Variants in CREB5 observed in about 807,000 individuals in gnomAD.
The protein encoded by CREB5 is cAMP responsive element binding protein 5.
A neutral mutation model predicts 57.1 loss-of-function variants in CREB5; 19 were observed. The observed-to-expected ratio is 0.33, with a 90% CI of 0.23 to 0.49. The LOEUF (loss-of-function observed/expected upper bound fraction) is 0.49. Ranked by LOEUF, CREB5 falls within the 20% of genes least tolerant of loss-of-function variation. The probability of loss-of-function intolerance (pLI) is 0.99; values close to 1 mark genes in which losing one functional copy is unlikely to be tolerated. For missense variants in CREB5, 579 were observed against 671.6 expected (o/e 0.86, Z 1.52); for synonymous variants, 238 against 238.3 (o/e 1.00, Z 0.01).
chr7:28,613,294 TG>T (rs779045193), intron 5 of CREB5, among the ~76,000 whole-genome samples: 9 of 152,234 alleles, frequency 5.9e-5, no homozygotes, highest in Non-Finnish European at 1.3e-4. Flanking sequence ...TGCAATATAT[TG>T]GGTCTGAAAC....
At position 28,734,222 on chromosome 7, in the gene CREB5, AAAAAAAAACACAAAC is replaced by A. The variant is rs1803840044; in HGVS notation, c.702+9901_702+9915del. Among the ~76,000 whole-genome samples the A allele has an allele frequency of 2.6e-5, 4 of 151,496 alleles. No homozygotes were observed. In the South Asian group the frequency reaches 6.2e-4, roughly 24 times the overall value. On this transcript the variant is annotated intron_variant, in intron 7 of 10. Transcript: ENST00000357727. ...TCAGTAGTTCAAAAAAAAAAAAAAA[AAAAAAAAACACAAAC>A]AAAAAAAACAGGTTAATGGATTCCA...
intron 5 of CREB5, among the ~76,000 whole-genome samples, chr7:28,625,034 A>G (rs1797950632): frequency 1.3e-5 from 2 of 150,060 alleles, no homozygotes; most frequent in South Asian, 2.1e-4. Flanking sequence ...ATTTAAAAAT[A>G]CAGAGTAAGA....
rs947566634 is a variant in CREB5, at chr7:28,495,061, T to C, written c.169+62T>C. On this transcript the variant is annotated intron_variant, in intron 3 of 10. Coordinates refer to ENST00000357727, the MANE Select transcript of CREB5 (RefSeq NM_182898.4). ...AGATCTGTTCCATGCGAGATACTTGTTCTTCTTTTGGTAGGCGAGTCCCAC... is the reference window on the plus strand; with the variant it reads ...AGATCTGTTCCATGCGAGATACTTGCTCTTCTTTTGGTAGGCGAGTCCCAC... 5 of 1,202,918 alleles carry C rather than the reference T, an allele frequency of 4.2e-6. No homozygotes were observed. In the African/African-American group the frequency reaches 6.3e-5, roughly 15 times the overall value. The allele number at this position is 1,202,918 out of a possible 1,614,324, so 74.5% of individuals were successfully genotyped here.
intron 1 of CREB5, among the ~76,000 whole-genome samples, chr7:28,303,708 C>G (rs1785139931): frequency 6.6e-6 from 1 of 152,126 alleles, no homozygotes; most frequent in South Asian, 2.1e-4. Flanking sequence ...CAATTTCTTA[C>G]TTTCTAAAAC....
chr7:28,442,278 T>G (rs1010243240), intron 1 of CREB5, among the ~76,000 whole-genome samples: 1 of 152,146 alleles, frequency 6.6e-6, no homozygotes, highest in African/African-American at 2.4e-5. Flanking sequence ...GATTTCATTC[T>G]TTTTTATGAC....
intron 4 of CREB5, among the ~76,000 whole-genome samples, chr7:28,553,003 T>C (rs972309065): frequency 6.6e-6 from 1 of 152,164 alleles, no homozygotes; most frequent in Non-Finnish European, 1.5e-5. Flanking sequence ...GTGGGCGCAA[T>C]TCAGTTTTCT....
chr7:28,652,937 C>T (rs918283156), intron 5 of CREB5, among the ~76,000 whole-genome samples: 1 of 152,150 alleles, frequency 6.6e-6, no homozygotes, highest in Non-Finnish European at 1.5e-5. Flanking sequence ...ATGGATAGTC[C>T]AAGTTCATTC....
At chr7:28,445,638 G>A (rs1033591474) in intron 1 of CREB5, among the ~76,000 whole-genome samples, 68 of 151,676 alleles carry the variant, frequency 4.5e-4, no homozygotes, top group East Asian at 2.9e-3. Context: ...TGCAAGCTCC[G>A]CCTCCCAGGT....
intron 9 of CREB5, among the ~76,000 whole-genome samples, chr7:28,810,004 C>A (rs911136300): frequency 6.6e-6 from 1 of 152,258 alleles, no homozygotes. Flanking sequence ...ATGTTTTCAT[C>A]TCATTTGCCA....
intron 4 of CREB5, among the ~76,000 whole-genome samples, chr7:28,568,922 A>T (rs533353817): frequency 1.3e-5 from 2 of 152,296 alleles, no homozygotes; most frequent in South Asian, 4.1e-4. Flanking sequence ...CTTGGGTAAC[A>T]TTTATTTTTT....
intron 1 of CREB5, among the ~76,000 whole-genome samples, chr7:28,435,261 G>C (rs1788906289): frequency 6.6e-6 from 1 of 152,068 alleles, no homozygotes; most frequent in Admixed American, 6.6e-5. Context: ...CCCTAGGAGG[G>C]GGGTGGATCG....
At chr7:28,621,526 G>A (rs966027682) in intron 5 of CREB5, among the ~76,000 whole-genome samples, 3 of 152,112 alleles carry the variant, frequency 2.0e-5, no homozygotes, top group African/African-American at 7.2e-5. Flanking sequence ...TGAACAAAGT[G>A]GCCACATGCG....
At chr7:28,734,340 A>C (rs73075771) in intron 7 of CREB5, among the ~76,000 whole-genome samples, 18,137 of 152,120 alleles carry the variant, frequency 0.12, 1,347 homozygotes, top group Non-Finnish European at 0.16. Context: ...AATGTGTTAA[A>C]ATGAAAATTT....
chr7:28,465,727 A>C (rs1790535010), intron 1 of CREB5, among the ~76,000 whole-genome samples: 1 of 152,258 alleles, frequency 6.6e-6, no homozygotes, highest in African/African-American at 2.4e-5. Context: ...AGTGTTTGGA[A>C]AATGGCTTTG....
chr7:28,647,794 A>G (rs1002280855), intron 5 of CREB5, among the ~76,000 whole-genome samples: 6 of 152,094 alleles, frequency 3.9e-5, no homozygotes, highest in African/African-American at 9.7e-5. Flanking sequence ...ATTTTACCCA[A>G]TTTGGGCCAG....
At position 28,393,588 on chromosome 7, in the gene CREB5, C is replaced by T. The variant is rs35114945; in HGVS notation, c.-25+94147C>T. Among the ~76,000 whole-genome samples, 598 of 152,304 alleles carry T rather than the reference C, an allele frequency of 3.9e-3. 7 individuals are homozygous for T. Among genetic ancestry groups the T allele is most frequent in the Non-Finnish European group, 6.5e-3 (440 of 68,026 alleles). The stretch of plus-strand genomic sequence containing the variant: ...AGAGCTTGGCAGTCAACACTGCCAT[C>T]TTCTTAACTGAAGCTCAACAGCTGT... On this transcript the variant is annotated intron_variant, in intron 1 of 9. Transcript: ENST00000396299.
At chr7:28,635,186 C>T (rs931844700) in intron 5 of CREB5, among the ~76,000 whole-genome samples, 2 of 152,156 alleles carry the variant, frequency 1.3e-5, no homozygotes, top group Non-Finnish European at 2.9e-5. Context: ...AAGGAGGAGG[C>T]TTGGAATGAC....
At chr7:28,771,252 A>G (rs1342972675) in intron 7 of CREB5, among the ~76,000 whole-genome samples, 2 of 152,192 alleles carry the variant, frequency 1.3e-5, no homozygotes, top group Admixed American at 6.5e-5. Flanking sequence ...AGAGAAAAAA[A>G]TGGCTCCATC....
intron 5 of CREB5, among the ~76,000 whole-genome samples, chr7:28,665,561 A>G (rs936199171): frequency 6.6e-6 from 1 of 152,164 alleles, no homozygotes; most frequent in Non-Finnish European, 1.5e-5. Flanking sequence ...ACAAGAATGT[A>G]TTTAGGAACT....
Sources: gnomAD v4.1 joint callset for allele counts (sites outside exome capture counted in the v4.1 genomes callset) on GRCh38, gnomAD v4.1.1 for gene constraint, MANE v1.5 for transcripts, NCBI Gene and HGNC (gene_info 2026-07-23, HGNC 2026-07-21) for gene names.